The following NOX5 variants were observed in gnomAD, a reference collection of about 807,000 sequenced individuals.
The protein encoded by NOX5 is NADPH oxidase 5.
Under a neutral mutation model 85.7 loss-of-function variants are expected in NOX5, and 76 were observed. The observed-to-expected ratio is 0.89, with a 90% confidence interval of 0.74 to 1.07. The LOEUF (loss-of-function observed/expected upper bound fraction) is 1.07. Ranked by LOEUF, NOX5 falls within the 50% of genes least tolerant of loss-of-function variation. NOX5 has a pLI of 0.00. For missense variants in NOX5, 973 were observed against 999.5 expected (o/e 0.97, Z 0.36); for synonymous variants, 405 against 401.4 (o/e 1.01, Z -0.11).
At chr15:69,032,581 T>G (rs1210133936) in intron 4 of NOX5, among the ~76,000 whole-genome samples, 1 of 152,040 alleles carries the variant, frequency 6.6e-6, no homozygotes, top group East Asian at 1.9e-4. Context: ...CAGCTAGTTT[T>G]TGTATTTTTA....
intron 10 of NOX5, among the ~76,000 whole-genome samples, chr15:69,044,978 C>T (rs192965431): frequency 6.6e-5 from 10 of 152,092 alleles, no homozygotes; most frequent in Admixed American, 4.6e-4. Flanking sequence ...GGCCGCAGGA[C>T]GAAGACCTGG....
intron 14 of NOX5, among the ~76,000 whole-genome samples, chr15:69,050,748 G>T (rs1339511585): frequency 1.3e-5 from 2 of 152,176 alleles, no homozygotes. Flanking sequence ...AATTATGTAA[G>T]ACTGTGGATC....
Position 69,057,647 on chromosome 15 carries a change from G to A in NOX5, c.*951G>A, listed in dbSNP as rs1190038649. ...GGGATGAAGCGGGCTAAGCCTGGAA[G>A]CTCAGCTCAGCCACACTCTGGCTGT... On this transcript the variant is annotated 3_prime_UTR_variant, in exon 16 of 16. Transcript: ENST00000388866. 1 of 152,194 alleles carries A rather than the reference G, an allele frequency of 6.6e-6. No individual in the cohort carries two copies. The allele number at this position is 152,194 out of a possible 1,614,324, so 9.4% of individuals were successfully genotyped here. A position where few individuals can be genotyped will look rare whatever the true frequency, so the allele number is the denominator to read the frequency against.
At chr15:69,016,493 G>A (rs768556203) in intron 1 of NOX5, among the ~76,000 whole-genome samples, 2 of 152,190 alleles carry the variant, frequency 1.3e-5, no homozygotes, top group Non-Finnish European at 2.9e-5. Flanking sequence ...CTGAAGCCTG[G>A]GACTTAGGCC....
chr15:69,020,632 A>C (rs1178360557), intron 1 of NOX5, among the ~76,000 whole-genome samples: 1 of 151,474 alleles, frequency 6.6e-6, no homozygotes, highest in Admixed American at 6.6e-5. Context: ...ATATGAATAT[A>C]TATATATAGA....
rs772200495 is a variant in NOX5, at chr15:69,026,600, A to G, written c.123A>G (p.Glu41=). ...AGCAGTTTAAGACCATTGCAGGAGAAGATGGGGAGATCAGCCTGCAAGAAT... is the reference window on the plus strand; with the variant it reads ...AGCAGTTTAAGACCATTGCAGGAGAGGATGGGGAGATCAGCCTGCAAGAAT... ...VTQQFKTIAG[E]DGEISLQEFK... Residue 41 remains glutamate, a synonymous_variant, in exon 2 of 16, where the codon GAA becomes GAG. Transcript: ENST00000388866. 1.2e-6 allele frequency: 2 copies of G among 1,614,212 alleles called. No homozygotes were observed. Among genetic ancestry groups the G allele is most frequent in the East Asian group, 2.2e-5 (1 of 44,874 alleles).
chr15:69,014,871 C>A, intron 1 of NOX5, 86 bp downstream of exon 1: 1 of 982,854 alleles, frequency 1.0e-6, no homozygotes, highest in Non-Finnish European at 1.6e-6. Context: ...CAAAAGGTAA[C>A]TGTGTCTGCC....
At chr15:69,023,127 C>T (rs189917214) in intron 1 of NOX5, 3 of 395,598 alleles carry the variant, frequency 7.6e-6, no homozygotes, top group African/African-American at 4.3e-5. Flanking sequence ...TGGAGATTCA[C>T]TGCTGTGGTA....
At chr15:69,019,199 AGGTACT>A (rs575879780) in intron 1 of NOX5, among the ~76,000 whole-genome samples, 11 of 152,206 alleles carry the variant, frequency 7.2e-5, no homozygotes, top group African/African-American at 2.6e-4. Context: ...GGCAGTAACG[AGGTACT>A]CCCTCCTCCT....
At chr15:69,032,802 A>G (rs1254176843) in intron 4 of NOX5, among the ~76,000 whole-genome samples, 4 of 152,194 alleles carry the variant, frequency 2.6e-5, no homozygotes, top group African/African-American at 9.7e-5. Flanking sequence ...AAAATTGGAA[A>G]GTAAAGAGAA....
intron 4 of NOX5, 93 bp from the exon 5 acceptor site, chr15:69,032,950 G>T: frequency 6.7e-7 from 1 of 1,481,974 alleles, no homozygotes; most frequent in South Asian, 1.3e-5. Flanking sequence ...TGCCAGACTT[G>T]GTCGGCCATA....
chr15:69,050,499 T>G (rs925428012), intron 14 of NOX5, among the ~76,000 whole-genome samples: 3 of 152,158 alleles, frequency 2.0e-5, no homozygotes, highest in Non-Finnish European at 4.4e-5. Flanking sequence ...CAAGCAATTC[T>G]TCTGCCTCAG....
intron 9 of NOX5, among the ~76,000 whole-genome samples, chr15:69,040,599 AT>A (rs2050581018): frequency 6.6e-6 from 1 of 152,168 alleles, no homozygotes; most frequent in Admixed American, 6.5e-5. Flanking sequence ...GTGGATACTA[AT>A]ATGGTTATTG....
chr15:69,016,282 C>T lies in NOX5; in HGVS notation c.50+1497C>T, dbSNP rs536721383. Among the ~76,000 whole-genome samples the T allele has an allele frequency of 2.0e-5, 3 of 152,320 alleles. No individual in the cohort carries two copies. In the East Asian group the frequency reaches 5.8e-4, roughly 29 times the overall value. On this transcript the variant is annotated intron_variant, in intron 1 of 15. Transcript: ENST00000388866. Reference sequence around the variant, plus strand: ...CCCTGGCCCTTGACACTCCCAGCTACAGGTTCTCTCCATGCCTCATCTCAC... The same window carrying T: ...CCCTGGCCCTTGACACTCCCAGCTATAGGTTCTCTCCATGCCTCATCTCAC...
At position 69,035,917 on chromosome 15, in the gene NOX5, G is replaced by T. The variant is rs765109146; in HGVS notation, c.1169G>T (p.Arg390Leu). The change falls in exon 7 of 16, where the codon CGC (arginine) becomes CTC (leucine). Residue 390 changes from arginine to leucine, a missense_variant. Coordinates refer to ENST00000388866, the MANE Select transcript of NOX5 (RefSeq NM_024505.4). ...TTCATCTGCTCCAGTTCCTGCATCC[G>T]CAGGAGTGGCCACTTTGAGGTGCCC... is the stretch of plus-strand genomic sequence containing the variant. ...LMFICSSSCIRRSGHFEVFYW... is the reference protein window; with the variant it reads ...LMFICSSSCILRSGHFEVFYW... 2.5e-6 allele frequency: 4 copies of T among 1,614,006 alleles called. No homozygotes were observed. The highest frequency in any genetic ancestry group is 4.5e-5 in the East Asian group (2 of 44,890).
At chr15:69,028,069 G>A (rs1359121764) in intron 2 of NOX5, 146 bp from the exon 3 acceptor site, 24 of 815,886 alleles carry the variant, frequency 2.9e-5, no homozygotes, top group Non-Finnish European at 4.2e-5. Flanking sequence ...CACGATGGGT[G>A]TTCAGGCACC....
At chr15:69,046,986 T>C (rs1384518556) in intron 11 of NOX5, 120 bp downstream of exon 11, 2 of 998,154 alleles carry the variant, frequency 2.0e-6, no homozygotes, top group Non-Finnish European at 3.1e-6. Context: ...CAAATCCTCA[T>C]GGGCTGACAT....
chr15:69,038,873 T>G lies in NOX5; in HGVS notation c.1388T>G (p.Ile463Ser), dbSNP rs1479526309. 1.2e-6 allele frequency: 2 copies of G among 1,614,086 alleles called. No individual in the cohort carries two copies. The highest frequency in any genetic ancestry group is 4.5e-5 in the East Asian group (2 of 44,902). Residue 463 changes from isoleucine to serine, a missense_variant, in exon 9 of 16, where the codon ATC becomes AGC. By Grantham distance (142) the Ile-to-Ser change is moderately radical. Transcript: ENST00000388866. ...CTTTCCCAGGTCACTCATCTCCTCA[T>G]CAAGCGGCCCCCTTTTTTTCACTAT... The part of the protein sequence containing the change: ...LLPSKVTHLL[I>S]KRPPFFHYRP...
At position 69,056,802 on chromosome 15, in the gene NOX5, A is replaced by G; in HGVS notation, c.*106A>G. On this transcript the variant is annotated 3_prime_UTR_variant, in exon 16 of 16. Coordinates refer to ENST00000388866, the MANE Select transcript of NOX5 (RefSeq NM_024505.4). ...AGCCTCAGATGACCCACCCAATAAG[A>G]CAAAGCCTAGGGACCCCCTAATCCT... 2 of 1,423,248 alleles carry G rather than the reference A, an allele frequency of 1.4e-6. No homozygotes were observed. The highest frequency in any genetic ancestry group is 1.9e-6 in the Non-Finnish European group (2 of 1,057,590). The allele number at this position is 1,423,248 out of a possible 1,614,324, so 88.2% of individuals were successfully genotyped here.
Sources: allele counts gnomAD v4.1 joint callset (sites outside exome capture counted in the v4.1 genomes callset), GRCh38; gene constraint gnomAD v4.1.1; transcripts MANE v1.5; gene names NCBI Gene and HGNC (gene_info 2026-07-23, HGNC 2026-07-21).